The following PTPRN2 variants were observed in gnomAD, a reference collection of about 807,000 sequenced individuals.
PTPRN2 encodes protein tyrosine phosphatase receptor type N2.
PTPRN2 carries 74 observed loss-of-function variants against 118.8 expected under a neutral mutation model. The ratio of observed to expected loss-of-function variants is 0.62; its 90% CI spans 0.52 to 0.76. PTPRN2 has a LOEUF of 0.76. Ranked by LOEUF, PTPRN2 falls within the 30% of genes least tolerant of loss-of-function variation. The probability of loss-of-function intolerance (pLI) is 0.00; values close to 1 mark genes in which losing one functional copy is unlikely to be tolerated. For synonymous variants in PTPRN2, 641 were observed against 608.0 expected, an observed-to-expected ratio of 1.05 and a Z score of -0.80; for missense variants, 1,481 against 1,394.4, an observed-to-expected ratio of 1.06 and a Z score of -0.99.
chr7:158,323,837 T>C (rs776083361), intron 2 of PTPRN2, among the ~76,000 whole-genome samples: 3 of 152,144 alleles, frequency 2.0e-5, no homozygotes, highest in Non-Finnish European at 2.9e-5. Flanking sequence ...ACCACACGTG[T>C]GTACACGGTG....
intron 3 of PTPRN2, among the ~76,000 whole-genome samples, chr7:158,252,236 T>C (rs1796732446): frequency 1.3e-5 from 2 of 152,110 alleles, no homozygotes; most frequent in African/African-American, 4.8e-5. Flanking sequence ...CTCGTCCCCA[T>C]CACCTCTGCG....
Position 158,452,280 on chromosome 7 carries a change from TC to T in PTPRN2, c.163+37454del, listed in dbSNP as rs890222414. On this transcript the variant is annotated intron_variant, in intron 2 of 22. Coordinates refer to ENST00000389418, the MANE Select transcript of PTPRN2 (RefSeq NM_002847.5). ...GACTTTAAAGCTAGTTCGTTTAATT[TC>T]AAAAAAAATTGTTAATATGCTGTTG... Among the ~76,000 whole-genome samples, 10 of 152,004 alleles carry T rather than the reference TC, an allele frequency of 6.6e-5. No homozygotes were observed. The East Asian group carries it at 7.7e-4, about 12-fold the overall frequency.
rs775533750 is a variant in PTPRN2 at position 157,612,550 on chromosome 7, C to G, written c.2345-8475G>C. Among the ~76,000 whole-genome samples the G allele has an allele frequency of 3.9e-5, 6 of 152,206 alleles. No homozygotes were observed. The South Asian group carries it at 6.2e-4, about 16-fold the overall frequency. On this transcript the variant is annotated intron_variant, in intron 15 of 22. Coordinates refer to ENST00000389418, the MANE Select transcript of PTPRN2 (RefSeq NM_002847.5). ...TTGTGGCTGTGCTGCCTGAGATTAA[C>G]GCCCGTTTTGTGGATCGGGGGCAGA...
At chr7:157,954,593 GGT>G (rs373723013) in intron 11 of PTPRN2, among the ~76,000 whole-genome samples, 1 of 147,392 alleles carries the variant, frequency 6.8e-6, no homozygotes, top group South Asian at 2.2e-4. Flanking sequence ...TACTGTGTGT[GGT>G]GTGTGTGTGT....
intron 3 of PTPRN2, among the ~76,000 whole-genome samples, chr7:158,282,432 C>A (rs934588383): frequency 6.6e-6 from 1 of 152,210 alleles, no homozygotes; most frequent in Non-Finnish European, 1.5e-5. Context: ...GTGTGTGGGT[C>A]TAGGAGACGC....
At chr7:157,809,236 G>C (rs1275497100) in intron 12 of PTPRN2, among the ~76,000 whole-genome samples, 5 of 151,916 alleles carry the variant, frequency 3.3e-5, no homozygotes, top group Admixed American at 2.6e-4. Flanking sequence ...TGGCCCTGGA[G>C]GGGGCTCAGC....
chr7:157,838,430 C>G lies in PTPRN2; in HGVS notation c.1788+60243G>C, dbSNP rs569166587. Reference sequence around the variant, plus strand: ...ATAGTGGATGGCACGGGAGAAAGCTCCTCTCCACCGTGGCTACTCCAGTTC... The same window carrying G: ...ATAGTGGATGGCACGGGAGAAAGCTGCTCTCCACCGTGGCTACTCCAGTTC... On this transcript the variant is annotated intron_variant, in intron 12 of 22. Transcript: ENST00000389418. 4.2e-3 allele frequency among the ~76,000 whole-genome samples: 542 copies of G among 128,516 alleles called. 4 individuals carry two copies. Among genetic ancestry groups the G allele is most frequent in the Non-Finnish European group, 7.3e-3 (446 of 61,098 alleles). 84.3% of individuals were successfully genotyped at this position (128,516 alleles called of 152,430 possible).
chr7:157,776,201 TCTC>T (rs1283787956), intron 12 of PTPRN2, among the ~76,000 whole-genome samples: 13 of 101,450 alleles, frequency 1.3e-4, no homozygotes, highest in Non-Finnish European at 2.3e-4. Flanking sequence ...ACTTCCTCCC[TCTC>T]CTCCTCCATC....
intron 2 of PTPRN2, among the ~76,000 whole-genome samples, chr7:158,437,058 C>A (rs1216743405): frequency 6.6e-6 from 1 of 152,062 alleles, no homozygotes; most frequent in African/African-American, 2.4e-5. Flanking sequence ...AGCTGTTTTC[C>A]TTCTCCTCTT....
At chr7:158,431,896 G>A (rs1007419520) in intron 2 of PTPRN2, among the ~76,000 whole-genome samples, 8 of 152,348 alleles carry the variant, frequency 5.3e-5, no homozygotes, top group South Asian at 2.1e-4. Flanking sequence ...CATGTTATCC[G>A]GGACCTGCTC....
intron 11 of PTPRN2, among the ~76,000 whole-genome samples, chr7:157,934,456 C>A (rs1192993127): frequency 1.3e-5 from 2 of 152,176 alleles, no homozygotes; most frequent in African/African-American, 4.8e-5. Context: ...AAATCTGAAC[C>A]AGTATGAGTC....
intron 2 of PTPRN2, among the ~76,000 whole-genome samples, chr7:158,331,550 A>T (rs181481020): frequency 4.3e-5 from 6 of 141,166 alleles, no homozygotes; most frequent in African/African-American, 1.4e-4. Context: ...ATAAGAGCTG[A>T]CACCCGCAGA....
chr7:157,856,258 G>A (rs1036573310), intron 12 of PTPRN2: 4 of 152,244 alleles, frequency 2.6e-5, no homozygotes, highest in African/African-American at 9.7e-5. Flanking sequence ...CGTGACTGTG[G>A]ATGACTTTAT....
rs144678398 is a variant in PTPRN2, at chr7:157,756,158, T to C, written c.1789-73221A>G. Reference sequence around the variant, plus strand: ...CTTTACAATCAAAGAATTACGTGTATGTGTTTTTAAGTGGAATTATCTGGA... The same window carrying C: ...CTTTACAATCAAAGAATTACGTGTACGTGTTTTTAAGTGGAATTATCTGGA... On this transcript the variant is annotated intron_variant, in intron 12 of 22. Transcript: ENST00000389418. 1.7e-3 allele frequency among the ~76,000 whole-genome samples: 259 copies of C among 152,312 alleles called. 1 individual carries two copies. Among genetic ancestry groups the C allele is most frequent in the African/African-American group, 5.8e-3 (243 of 41,576 alleles).
rs113616919 is a variant in PTPRN2 at position 158,161,884 on chromosome 7, C to T, written c.910+5047G>A. Among the ~76,000 whole-genome samples, 1,407 of 152,218 alleles carry T rather than the reference C, an allele frequency of 9.2e-3. 28 individuals are homozygous for T. Among genetic ancestry groups the T allele is most frequent in the African/African-American group, 0.032 (1,313 of 41,530 alleles). The stretch of plus-strand genomic sequence containing the variant: ...AAAATATTCAAGAACTTTACAAACT[C>T]AACAATAAGAAAACAAACAGCCTAA... On this transcript the variant is annotated intron_variant, in intron 6 of 22. Coordinates refer to ENST00000389418, the MANE Select transcript of PTPRN2 (RefSeq NM_002847.5).
intron 3 of PTPRN2, among the ~76,000 whole-genome samples, chr7:158,305,303 A>G (rs919289722): frequency 2.0e-5 from 3 of 152,212 alleles, no homozygotes; most frequent in African/African-American, 7.2e-5. Context: ...AATCCAACGG[A>G]TATTTTTAAC....
intron 2 of PTPRN2, among the ~76,000 whole-genome samples, chr7:158,331,766 C>A (rs1395288824): frequency 1.4e-4 from 21 of 149,566 alleles, no homozygotes; most frequent in Middle Eastern, 6.8e-3. Flanking sequence ...CTCACACTCT[C>A]ACCATAAGAG....
chr7:157,906,209 T>C (rs1399515391), intron 11 of PTPRN2, among the ~76,000 whole-genome samples: 1 of 152,152 alleles, frequency 6.6e-6, no homozygotes, highest in Non-Finnish European at 1.5e-5. Context: ...TTGAAGGAAG[T>C]TGATTCAGTG....
At chr7:158,198,236 C>T (rs1826362519) in intron 4 of PTPRN2, among the ~76,000 whole-genome samples, 1 of 152,158 alleles carries the variant, frequency 6.6e-6, no homozygotes, top group African/African-American at 2.4e-5. Flanking sequence ...TGTGATGCTG[C>T]AGTATGTTAC....
Sources: gnomAD v4.1 joint callset for allele counts (sites outside exome capture counted in the v4.1 genomes callset) on GRCh38, gnomAD v4.1.1 for gene constraint, MANE v1.5 for transcripts, NCBI Gene and HGNC (gene_info 2026-07-23, HGNC 2026-07-21) for gene names.